The following AKAP6 variants were observed in gnomAD, a reference collection of about 807,000 sequenced individuals.
AKAP6 encodes A-kinase anchor protein 6.
A neutral mutation model predicts 188.5 loss-of-function variants in AKAP6; 58 were observed. The observed-to-expected ratio is 0.31, with a 90% CI of 0.25 to 0.38. The LOEUF (loss-of-function observed/expected upper bound fraction) is 0.38, where lower values mean the gene tolerates loss of function less well. AKAP6 is among the 10% of genes least tolerant of loss of function. The pLI is 1.00. For missense variants in AKAP6, 2,710 were observed against 2,740.0 expected (o/e 0.99, Z 0.24); for synonymous variants, 989 against 998.6 (o/e 0.99, Z 0.18).
intron 12 of AKAP6, among the ~76,000 whole-genome samples, chr14:32,814,314 G>A (rs892715567): frequency 6.6e-6 from 1 of 152,060 alleles, no homozygotes; most frequent in African/African-American, 2.4e-5. Flanking sequence ...CAGTTCTGTG[G>A]CATTCACCAT....
rs1461424307 is a variant in AKAP6 at position 32,482,141 on chromosome 14, T to G, written c.324+48324T>G. ...ATCCCAAGATAACTCCTTAATAAACTTCCTGCACGCTAATCTCCATATTTG... is the reference window on the plus strand; with the variant it reads ...ATCCCAAGATAACTCCTTAATAAACGTCCTGCACGCTAATCTCCATATTTG... On this transcript the variant is annotated intron_variant, in intron 2 of 13. Coordinates refer to ENST00000280979, the MANE Select transcript of AKAP6 (RefSeq NM_004274.5). 3.3e-5 allele frequency among the ~76,000 whole-genome samples: 5 copies of G among 152,160 alleles called. No individual in the cohort carries two copies. In the East Asian group the frequency reaches 9.6e-4, roughly 29 times the overall value.
chr14:32,778,247 G>A (rs2033128353), intron 12 of AKAP6, among the ~76,000 whole-genome samples: 1 of 152,162 alleles, frequency 6.6e-6, no homozygotes, highest in East Asian at 1.9e-4. Flanking sequence ...TAAGCACAAG[G>A]GAATGAAGAA....
chr14:32,431,248 G>A (rs900382555), intron 1 of AKAP6, among the ~76,000 whole-genome samples: 1 of 152,006 alleles, frequency 6.6e-6, no homozygotes, highest in Non-Finnish European at 1.5e-5. Context: ...TGTTTTAATA[G>A]CTGGGTCTAG....
At chr14:32,396,476 C>A (rs1325403735) in intron 1 of AKAP6, among the ~76,000 whole-genome samples, 2 of 152,172 alleles carry the variant, frequency 1.3e-5, no homozygotes, top group Non-Finnish European at 1.5e-5. Flanking sequence ...CAGGTGGACT[C>A]CACCCCTAGA....
intron 12 of AKAP6, among the ~76,000 whole-genome samples, chr14:32,818,496 G>A (rs2034442613): frequency 6.6e-6 from 1 of 151,010 alleles, no homozygotes; most frequent in Non-Finnish European, 1.5e-5. Context: ...TTGACACAGG[G>A]AAAACTTGGG....
chr14:32,631,897 C>T (rs1887288458), intron 7 of AKAP6, among the ~76,000 whole-genome samples: 1 of 151,916 alleles, frequency 6.6e-6, no homozygotes. Flanking sequence ...ATTATAATAC[C>T]AAAGAAGGCT....
chr14:32,382,662 T>C (rs1009004514), intron 1 of AKAP6, among the ~76,000 whole-genome samples: 6 of 152,212 alleles, frequency 3.9e-5, no homozygotes, highest in African/African-American at 1.4e-4. Context: ...AGGATTCAAG[T>C]GCCAGTTACA....
intron 1 of AKAP6, among the ~76,000 whole-genome samples, chr14:32,409,696 T>G (rs1014694654): frequency 2.0e-5 from 3 of 152,202 alleles, no homozygotes; most frequent in African/African-American, 7.2e-5. Flanking sequence ...ACAAAGATTT[T>G]CTTCCTCTTC....
chr14:32,540,091 G>A (rs1384266460), intron 3 of AKAP6, among the ~76,000 whole-genome samples: 3 of 130,748 alleles, frequency 2.3e-5, no homozygotes, highest in Non-Finnish European at 3.1e-5. Flanking sequence ...GTCTTGCTTA[G>A]AATTAGAAAA....
At chr14:32,664,557 A>G (rs1199333204) in intron 7 of AKAP6, among the ~76,000 whole-genome samples, 1 of 152,166 alleles carries the variant, frequency 6.6e-6, no homozygotes, top group African/African-American at 2.4e-5. Context: ...AATTTTGTTT[A>G]AGAACATTCC....
rs749471507 is a variant in AKAP6, at chr14:32,824,007, A to T, written c.6194A>T (p.Asp2065Val). ...SVHNFVKEIIDMASTALKSKS... is the reference protein window; with the variant it reads ...SVHNFVKEIIVMASTALKSKS... ...CACAACTTTGTTAAGGAAATCATTG[A>T]CATGGCTTCGACAGCCCTAAAAAGT... Residue 2065 changes from aspartate to valine, a missense_variant, in exon 13 of 14, where the codon GAC becomes GTC. By Grantham distance (152) the Asp-to-Val change is radical. Coordinates refer to ENST00000280979, the MANE Select transcript of AKAP6 (RefSeq NM_004274.5). 5.6e-6 allele frequency: 9 copies of T among 1,613,838 alleles called. No homozygotes were observed. The highest frequency in any genetic ancestry group is 5.0e-5 in the Admixed American group (3 of 59,898).
chr14:32,723,000 G>A (rs539283787), intron 9 of AKAP6, among the ~76,000 whole-genome samples: 20 of 152,266 alleles, frequency 1.3e-4, no homozygotes, highest in South Asian at 4.1e-4. Context: ...AGATGCTGCC[G>A]CGGGCCAGTG....
At chr14:32,403,764 A>G (rs1889175941) in intron 1 of AKAP6, among the ~76,000 whole-genome samples, 2 of 152,186 alleles carry the variant, frequency 1.3e-5, no homozygotes, top group African/African-American at 4.8e-5. Context: ...AGTGTTAGCT[A>G]TTAATATTGC....
chr14:32,832,511 T>A lies in AKAP6; in HGVS notation c.*2706T>A, dbSNP rs1287468941. On this transcript the variant is annotated 3_prime_UTR_variant, in exon 14 of 14. Transcript: ENST00000280979. ...CTAAATTTGTAGAATGACTTTCAGGTTTGTTGAACAATGCCTTTTCAGGTT... is the reference window on the plus strand; with the variant it reads ...CTAAATTTGTAGAATGACTTTCAGGATTGTTGAACAATGCCTTTTCAGGTT... 2.0e-5 allele frequency: 3 copies of A among 152,180 alleles called. No homozygotes were observed. 9.4% of individuals were successfully genotyped at this position (152,180 alleles called of 1,614,324 possible).
At chr14:32,515,778 A>G (rs1213566619) in intron 2 of AKAP6, among the ~76,000 whole-genome samples, 3 of 152,144 alleles carry the variant, frequency 2.0e-5, no homozygotes, top group Admixed American at 6.6e-5. Flanking sequence ...CTTTCGTTTC[A>G]TGGTTTGTGA....
intron 9 of AKAP6, among the ~76,000 whole-genome samples, chr14:32,723,594 TAG>T (rs1214093107): frequency 6.6e-6 from 1 of 151,350 alleles, no homozygotes; most frequent in Non-Finnish European, 1.5e-5. Flanking sequence ...TGTGTGTGTA[TAG>T]GCTTTAAAAT....
chr14:32,593,798 A>G (rs1426185012), intron 5 of AKAP6, among the ~76,000 whole-genome samples: 2 of 152,132 alleles, frequency 1.3e-5, no homozygotes, highest in Non-Finnish European at 2.9e-5. Context: ...GGAATACCCA[A>G]TCATTGGATT....
chr14:32,576,513 T>G (rs773777405), intron 4 of AKAP6, among the ~76,000 whole-genome samples: 1 of 152,190 alleles, frequency 6.6e-6, no homozygotes, highest in Non-Finnish European at 1.5e-5. Flanking sequence ...AAGTCAAGTA[T>G]TTATGTTTGT....
intron 1 of AKAP6, among the ~76,000 whole-genome samples, chr14:32,403,755 G>GTGT (rs1889175819): frequency 6.6e-6 from 1 of 152,228 alleles, no homozygotes; most frequent in East Asian, 1.9e-4. Context: ...CATAATGTAA[G>GTGT]TGTTAGCTAT....
Sources: allele counts gnomAD v4.1 joint callset (sites outside exome capture counted in the v4.1 genomes callset), GRCh38; gene constraint gnomAD v4.1.1; transcripts MANE v1.5; gene names NCBI Gene and HGNC (gene_info 2026-07-23, HGNC 2026-07-21).